The following KLK12 variants were observed in gnomAD, a reference collection of about 807,000 sequenced individuals.
KLK12 encodes the protein kallikrein-12.
KLK12 carries 23 observed loss-of-function variants against 20.0 expected under a neutral mutation model. That is an observed-to-expected ratio of 1.15 (90% confidence interval 0.83 to 1.63). The LOEUF (loss-of-function observed/expected upper bound fraction) is 1.63. KLK12 is among the 40% of genes most tolerant of loss of function. KLK12 has a pLI of 0.00. For missense variants in KLK12, 351 were observed against 338.6 expected, an observed-to-expected ratio of 1.04 and a Z score of -0.29; for synonymous variants, 147 against 141.9, an observed-to-expected ratio of 1.04 and a Z score of -0.25.
At chr19:51,033,457 A>T (rs2091580346) in intron 3 of KLK12, among the ~76,000 whole-genome samples, 1 of 152,058 alleles carries the variant, frequency 6.6e-6, no homozygotes, top group South Asian at 2.1e-4. Flanking sequence ...CTCTACAAAA[A>T]ATACAAAAAT....
chr19:51,033,772 C>T (rs1206059275), intron 3 of KLK12: 6 of 619,752 alleles, frequency 9.7e-6, no homozygotes, highest in Non-Finnish European at 1.7e-5. Flanking sequence ...GGTTCCAGGA[C>T]CCTCCCCGGC....
intron 4 of KLK12, among the ~76,000 whole-genome samples, chr19:51,031,428 C>T (rs1205567442): frequency 6.6e-6 from 1 of 151,754 alleles, no homozygotes; most frequent in Non-Finnish European, 1.5e-5. Context: ...GGGCCCCACA[C>T]CCCAAACGCT....
rs1431230079 is a variant in KLK12, at chr19:51,030,898, A to G, written c.481T>C (p.Cys161Arg). The G allele has an allele frequency of 6.2e-7, 1 of 1,614,126 alleles. No homozygotes were observed. Among genetic ancestry groups the G allele is most frequent in the Admixed American group, 1.7e-5 (1 of 60,018 alleles). Residue 161 changes from cysteine (C) to arginine (R), a missense_variant, in exon 5 of 6, where the codon TGC (cysteine) becomes CGC (arginine). Coordinates refer to ENST00000684732, the MANE Select transcript of KLK12 (RefSeq NM_001370125.1). ...TGGGAGACGATGGAGAGGTTGAGGC[A>G]CTGGAGCAGATCCGGGAATGGGTCT... is the stretch of plus-strand genomic sequence containing the variant. Reference protein sequence around the residue: ...PRNPFPDLLQCLNLSIVSHAT... With the variant: ...PRNPFPDLLQRLNLSIVSHAT...
At chr19:51,031,753 G>T in intron 4 of KLK12, 123 bp downstream of exon 4, 2 of 1,106,526 alleles carry the variant, frequency 1.8e-6, no homozygotes, top group Non-Finnish European at 2.7e-6. Flanking sequence ...TGATCCTGAT[G>T]TCCCATCCCA....
chr19:51,034,882 C>A lies in KLK12; in HGVS notation c.-96G>T. ...TCCTCGTCGCTGCTATCTCTCCGTC[C>A]ACCTACCTGCCTGTCTTCTCATGTG... On this transcript the variant is annotated 5_prime_UTR_variant, in exon 1 of 6. Coordinates refer to ENST00000684732, the MANE Select transcript of KLK12 (RefSeq NM_001370125.1). The A allele has an allele frequency of 7.3e-7, 1 of 1,376,622 alleles. No homozygotes were observed. Among genetic ancestry groups the A allele is most frequent in the Non-Finnish European group, 9.4e-7 (1 of 1,062,536 alleles). 85.3% of individuals were successfully genotyped at this position (1,376,622 alleles called of 1,614,324 possible). A position where few individuals can be genotyped will look rare whatever the true frequency, so the allele number is the denominator to read the frequency against.
At chr19:51,034,303 A>G in intron 2 of KLK12, 164 bp from the exon 3 acceptor site, 1 of 1,125,230 alleles carries the variant, frequency 8.9e-7, no homozygotes, top group Non-Finnish European at 1.3e-6. Context: ...AGACCATGAA[A>G]CATCAAAGAC....
intron 4 of KLK12, chr19:51,031,666 C>T (rs765181186): frequency 1.5e-6 from 1 of 647,544 alleles, no homozygotes. Context: ...GACCTCTGAT[C>T]CCTGACTTCA....
In KLK12 at chr19:51,031,901, G is replaced by T; in HGVS notation, c.432C>A (p.Gly144=). Residue 144 remains glycine, a synonymous_variant, in exon 4 of 6, where the codon GGC becomes GGA. Coordinates refer to ENST00000684732, the MANE Select transcript of KLK12 (RefSeq NM_001370125.1). ...TCCGTGGGTGGTTGGTGATGCCCCA[G>T]CCTGAGACGTGGCACTCGGTGCCAG... The part of the protein sequence containing the change: ...ATAGTECHVS[G]WGITNHPRNP... 6.2e-7 allele frequency: 1 copy of T among 1,613,618 alleles called. No individual in the cohort carries two copies.
chr19:51,031,997 C>T lies in KLK12; in HGVS notation c.336G>A (p.Leu112=), dbSNP rs377292050. ...TTACGCGGACGGGCAGGCGCAGCCG[C>T]AGCAGCCGGAGGTCGTGCTCGTGGC... is the stretch of plus-strand genomic sequence containing the variant. ...STSHEHDLRL[L]RLRLPVRVTS... Residue 112 remains leucine, a synonymous_variant, in exon 4 of 6, where the codon CTG becomes CTA. Transcript: ENST00000684732. 53 of 1,612,748 alleles carry T rather than the reference C, an allele frequency of 3.3e-5. No individual in the cohort carries two copies. The highest frequency in any genetic ancestry group is 4.3e-5 in the Non-Finnish European group (51 of 1,179,722).
At chr19:51,031,038 A>T in intron 4 of KLK12, 117 bp from the exon 5 acceptor site, 2 of 1,189,408 alleles carry the variant, frequency 1.7e-6, no homozygotes, top group Non-Finnish European at 2.5e-6. Flanking sequence ...ACCGACCTGT[A>T]CTACAATCCC....
In KLK12 at chr19:51,034,054, C is replaced by A; in HGVS notation, c.123G>T (p.Glu41Asp). 6.3e-7 allele frequency: 1 copy of A among 1,591,754 alleles called. No individual in the cohort carries two copies. Among genetic ancestry groups the A allele is most frequent in the East Asian group, 2.3e-5 (1 of 43,888 alleles). ...CACCCCCGCAGCGCAGGCTGGTGCC[C>A]TCAAACAGCCCCACCTGCCACGGCT... ...NSQPWQVGLF[E>D]GTSLRCGGVL... The change falls in exon 3 of 6, where the codon GAG (glutamate) becomes GAT (aspartate). Residue 41 changes from glutamate to aspartate, a missense_variant. Physicochemically the swap from Glu to Asp is conservative, Grantham distance 45. Transcript: ENST00000684732.
At chr19:51,033,032 A>C (rs1223641719) in intron 3 of KLK12, among the ~76,000 whole-genome samples, 1 of 150,368 alleles carries the variant, frequency 6.7e-6, no homozygotes, top group Non-Finnish European at 1.5e-5. Flanking sequence ...TGGGTAACAT[A>C]GCAAAACCCT....
At chr19:51,031,202 G>A (rs1437026746) in intron 4 of KLK12, among the ~76,000 whole-genome samples, 1 of 152,072 alleles carries the variant, frequency 6.6e-6, no homozygotes. Flanking sequence ...ATCCAGACCT[G>A]ACCCTCTTCA....
At chr19:51,034,685 C>G in intron 1 of KLK12, 45 bp from the exon 2 acceptor site, 1 of 1,574,128 alleles carries the variant, frequency 6.4e-7, no homozygotes, top group Non-Finnish European at 8.6e-7. Context: ...TCCCTGTGCC[C>G]CCCACCTCTG....
In KLK12 at chr19:51,034,119, G is replaced by C; in HGVS notation, c.58C>G (p.Pro20Ala). The change falls in exon 3 of 6, where the codon CCG becomes GCG. Residue 20 changes from proline to alanine, a missense_variant. By Grantham distance (27) the Pro-to-Ala change is conservative. Transcript: ENST00000684732. ...CACTCAGTGCCATTGAAAATCTTCG[G>C]TGTGGCTGCCTGGCTGAGCCCTGGA... ...CVLGLSQAATPKIFNGTECGR... is the reference protein window; with the variant it reads ...CVLGLSQAATAKIFNGTECGR... 2 of 1,554,514 alleles carry C rather than the reference G, an allele frequency of 1.3e-6. No homozygotes were observed. The highest frequency in any genetic ancestry group is 1.7e-6 in the Non-Finnish European group (2 of 1,148,502).
rs775015312 is a variant in KLK12, at chr19:51,031,785, C to T, written c.457+91G>A. On this transcript the variant is annotated intron_variant, in intron 4 of 5. Coordinates refer to ENST00000684732, the MANE Select transcript of KLK12 (RefSeq NM_001370125.1). ...CCCACACCCTGACCCTTTACCCATCCTTCCTCTGAGGTGTCATGATTCGAC... is the reference window on the plus strand; with the variant it reads ...CCCACACCCTGACCCTTTACCCATCTTTCCTCTGAGGTGTCATGATTCGAC... 2.9e-6 allele frequency: 4 copies of T among 1,373,898 alleles called. No homozygotes were observed. The Admixed American group carries it at 5.0e-5, about 17-fold the overall frequency. 85.1% of individuals were successfully genotyped at this position (1,373,898 alleles called of 1,614,324 possible).
At position 51,032,066 on chromosome 19, in the gene KLK12, G is replaced by T. The variant is rs151092558; in HGVS notation, c.267C>A (p.Ser89Arg). Reference protein sequence around the residue: ...QLDWTEQIRHSGFSVTHPGYL... With the variant: ...QLDWTEQIRHRGFSVTHPGYL... ...AGCCGGGATGGGTCACAGAGAAGCC[G>T]CTGTGCCGGATCTGCTCGGTCCAGT... The change falls in exon 4 of 6, where the codon AGC becomes AGA. Residue 89 changes from serine to arginine, a missense_variant. Ser to Arg is a moderately radical substitution (Grantham distance 110). Coordinates refer to ENST00000684732, the MANE Select transcript of KLK12 (RefSeq NM_001370125.1). 17 of 1,604,296 alleles carry T rather than the reference G, an allele frequency of 1.1e-5. No homozygotes were observed. In the African/African-American group the frequency reaches 1.9e-4, roughly 18 times the overall value.
chr19:51,031,063 A>G, intron 4 of KLK12, 142 bp from the exon 5 acceptor site: 1 of 897,820 alleles, frequency 1.1e-6, no homozygotes. Context: ...CCTCCAAGTT[A>G]CATATTTATG....
intron 4 of KLK12, among the ~76,000 whole-genome samples, chr19:51,031,595 C>CATACAT (rs6146546): frequency 2.5e-5 from 3 of 120,392 alleles, no homozygotes; most frequent in South Asian, 2.8e-4. Flanking sequence ...CCTATACATA[C>CATACAT]ATATATATAT....
Sources: allele counts gnomAD v4.1 joint callset (sites outside exome capture counted in the v4.1 genomes callset), GRCh38; gene constraint gnomAD v4.1.1; transcripts MANE v1.5; gene names NCBI Gene and HGNC (gene_info 2026-07-23, HGNC 2026-07-21).